The following SYTL5 variants were observed in gnomAD, a reference collection of about 807,000 sequenced individuals.
The protein encoded by SYTL5 is synaptotagmin like 5.
A neutral mutation model predicts 55.9 loss-of-function variants in SYTL5; 34 were observed. That is an observed-to-expected ratio of 0.61 (90% CI 0.46 to 0.81). The LOEUF is 0.81. Among genes scored for constraint, SYTL5 ranks in the 30% least tolerant of loss-of-function variants. The pLI, the probability that SYTL5 is intolerant of heterozygous loss-of-function variation, is 0.00. For synonymous variants in SYTL5, 221 were observed against 188.7 expected, an observed-to-expected ratio of 1.17 and a Z score of -1.40; for missense variants, 637 against 546.7, an observed-to-expected ratio of 1.17 and a Z score of -1.65.
At position 38,111,741 on chromosome X, in the gene SYTL5, G is replaced by C. The variant is rs1267861249; in HGVS notation, c.1596+1259G>C. 2.7e-5 allele frequency among the ~76,000 whole-genome samples: 3 copies of C among 112,034 alleles called. No individual in the cohort carries two copies. The East Asian group carries it at 8.4e-4, about 32-fold the overall frequency. On this transcript the variant is annotated intron_variant, in intron 13 of 16. Transcript: ENST00000297875. ...TCCTCCTCCTCCAACAGCCAAATCA[G>C]TGCATTGGGCCTGGTTCTCCTAATT...
In SYTL5 at chrX:38,033,860, A is replaced by G. The variant is rs751863649; in HGVS notation, c.-30A>G. 1.0e-5 allele frequency: 9 copies of G among 864,320 alleles called. No individual in the cohort carries two copies. The highest frequency in any genetic ancestry group is 4.0e-5 in the African/African-American group (2 of 49,930). 71.2% of individuals were successfully genotyped at this position (864,320 alleles called of 1,213,427 possible). A position where few individuals can be genotyped will look rare whatever the true frequency, so the allele number is the denominator to read the frequency against. On this transcript the variant is annotated 5_prime_UTR_variant, in exon 2 of 17. Transcript: ENST00000297875. ...AATTCACCTTCTTGAAGATTCAACC[A>G]CTGCTACTCAGAGCTGCTGCTGAAA...
At chrX:37,902,100 C>T in the SYTL5 span, among the ~76,000 whole-genome samples, 1 of 111,929 alleles carries the variant, frequency 8.9e-6, no homozygotes, top group Non-Finnish European at 1.9e-5. Flanking sequence ...GGAAAAATCC[C>T]TCAATTTGGC....
At chrX:37,966,261 C>G in the SYTL5 span, among the ~76,000 whole-genome samples, 234 of 109,856 alleles carry the variant, frequency 2.1e-3, 1 homozygote, top group African/African-American at 7.3e-3. Context: ...CTCTCTGTCT[C>G]TCTTATTTTT....
intron 2 of SYTL5, among the ~76,000 whole-genome samples, chrX:38,051,058 G>A (rs921094803): frequency 1.8e-5 from 2 of 111,856 alleles, no homozygotes; most frequent in African/African-American, 3.3e-5. Context: ...TGTTTTGGGT[G>A]ATGGAATGTG....
At position 38,034,073 on chromosome X, in the gene SYTL5, T is replaced by C. The variant is rs937422158; in HGVS notation, c.119+65T>C. On this transcript the variant is annotated intron_variant, in intron 2 of 16. Transcript: ENST00000297875. ...TTCTGTTTGTTTGAAGCAATTTAGA[T>C]CAGAAATGGGCCAAGTGCAACCACA... 10 of 649,884 alleles carry C rather than the reference T, an allele frequency of 1.5e-5. No homozygotes were observed. The African/African-American group carries it at 2.0e-4, about 13-fold the overall frequency. 53.6% of individuals were successfully genotyped at this position (649,884 alleles called of 1,213,427 possible).
chrX:37,947,529 G>T, the SYTL5 span, among the ~76,000 whole-genome samples: 175 of 111,800 alleles, frequency 1.6e-3, no homozygotes, highest in Non-Finnish European at 2.6e-3. Context: ...CAGCCATGCG[G>T]AACTGTGAGT....
At chrX:37,890,336 T>A in the SYTL5 span, among the ~76,000 whole-genome samples, 5 of 111,667 alleles carry the variant, frequency 4.5e-5, no homozygotes, top group African/African-American at 1.6e-4. Context: ...AGGACTCAGA[T>A]CTTAGTTATA....
In SYTL5 at chrX:38,111,699, G is replaced by C. The variant is rs147042145; in HGVS notation, c.1596+1217G>C. On this transcript the variant is annotated intron_variant, in intron 13 of 16. Transcript: ENST00000297875. ...AAGCCTTTCATCTTTGCACCACACT[G>C]TTCAGAAGAGGAGAGTTCCTCCTCC... Among the ~76,000 whole-genome samples, 289 of 112,159 alleles carry C rather than the reference G, an allele frequency of 2.6e-3. 2 individuals carry two copies. Among genetic ancestry groups the C allele is most frequent in the African/African-American group, 7.8e-3 (242 of 30,879 alleles).
At chrX:37,953,146 T>A in the SYTL5 span, among the ~76,000 whole-genome samples, 1 of 111,034 alleles carries the variant, frequency 9.0e-6, no homozygotes, top group Admixed American at 9.6e-5. Flanking sequence ...ATAAATAAAT[T>A]AATTTAAAAA....
intron 13 of SYTL5, among the ~76,000 whole-genome samples, chrX:38,116,262 ACT>A (rs766098092): frequency 2.1e-4 from 23 of 111,298 alleles, no homozygotes; most frequent in African/African-American, 7.2e-4. Flanking sequence ...TTATTTCTGG[ACT>A]CTCTATTATG....
In SYTL5 at chrX:38,127,751, C is replaced by T. The variant is rs1422980761; in HGVS notation, c.*1021C>T. ...ATGTCAGTGGCTTAAAATGACCATC[C>T]TTTTTCTCACAGTTATGAAGATTGG... On this transcript the variant is annotated 3_prime_UTR_variant, in exon 17 of 17. Coordinates refer to ENST00000297875, the MANE Select transcript of SYTL5 (RefSeq NM_138780.3). 8.9e-6 allele frequency: 1 copy of T among 112,027 alleles called. No individual in the cohort carries two copies. The highest frequency in any genetic ancestry group is 1.9e-5 in the Non-Finnish European group (1 of 53,243). The allele number at this position is 112,027 out of a possible 1,213,427, so 9.2% of individuals were successfully genotyped here.
Position 38,122,071 on chromosome X carries a change from C to T in SYTL5, c.1706-9C>T, listed in dbSNP as rs1937577187. 8.6e-7 allele frequency: 1 copy of T among 1,158,393 alleles called. No individual in the cohort carries two copies. The highest frequency in any genetic ancestry group is 1.2e-6 in the Non-Finnish European group (1 of 866,071). ...CTCCACCATTCCCTCATTTTGGTGG[C>T]TGACACAGGAAATAAGACTTTTAAA... On this transcript the variant is annotated splice_polypyrimidine_tract_variant and intron_variant, in intron 14 of 16. Coordinates refer to ENST00000297875, the MANE Select transcript of SYTL5 (RefSeq NM_138780.3).
the SYTL5 span, among the ~76,000 whole-genome samples, chrX:37,967,240 C>G: frequency 2.7e-5 from 3 of 111,131 alleles, no homozygotes; most frequent in African/African-American, 9.8e-5. Flanking sequence ...TTAGTAGAGA[C>G]GGGGTTTTAC....
At chrX:38,054,189 A>G (rs774669772) in intron 2 of SYTL5, 24 bp from the exon 3 acceptor site, 2 of 1,144,420 alleles carry the variant, frequency 1.7e-6, no homozygotes, top group Non-Finnish European at 2.4e-6. Flanking sequence ...TTTTTAAGTG[A>G]TTTTTTTTCC....
the SYTL5 span, among the ~76,000 whole-genome samples, chrX:37,981,135 T>A: frequency 8.9e-6 from 1 of 111,884 alleles, no homozygotes; most frequent in Non-Finnish European, 1.9e-5. Context: ...AGTGGAGAAA[T>A]TCAAGCCTAA....
At chrX:37,924,294 G>A in the SYTL5 span, among the ~76,000 whole-genome samples, 1 of 111,091 alleles carries the variant, frequency 9.0e-6, no homozygotes, top group Non-Finnish European at 1.9e-5. Flanking sequence ...CGACTATATG[G>A]TCTTGGGTTA....
chrX:38,061,989 A>G (rs1935958964), intron 3 of SYTL5, among the ~76,000 whole-genome samples: 1 of 108,897 alleles, frequency 9.2e-6, no homozygotes, highest in African/African-American at 3.4e-5. Flanking sequence ...TTTTTTTGAG[A>G]TGGAGTCTTG....
chrX:38,036,220 C>A (rs1315935531), intron 2 of SYTL5, among the ~76,000 whole-genome samples: 1 of 110,826 alleles, frequency 9.0e-6, no homozygotes, highest in Non-Finnish European at 1.9e-5. Context: ...GCAGGAGAAT[C>A]GCTTGAACCC....
intron 14 of SYTL5, 136 bp downstream of exon 14, chrX:38,120,602 T>C: frequency 2.1e-6 from 1 of 479,161 alleles, no homozygotes; most frequent in Non-Finnish European, 3.6e-6. Flanking sequence ...TCACTGTCTT[T>C]TGGGGAGAGT....
Sources: gnomAD v4.1 joint callset for allele counts (sites outside exome capture counted in the v4.1 genomes callset) on GRCh38, gnomAD v4.1.1 for gene constraint, MANE v1.5 for transcripts, NCBI Gene and HGNC (gene_info 2026-07-23, HGNC 2026-07-21) for gene names.